Variants in NELL2 observed in about 807,000 individuals in gnomAD.
The protein encoded by NELL2 is protein kinase C-binding protein NELL2.
NELL2 carries 41 observed loss-of-function variants against 109.6 expected under a neutral mutation model. The ratio of observed to expected loss-of-function variants is 0.37; its 90% CI spans 0.29 to 0.49. The LOEUF is 0.49. Ranked by LOEUF, NELL2 falls within the 20% of genes least tolerant of loss-of-function variation. NELL2 has a pLI of 0.98. For missense variants in NELL2, 900 were observed against 1,008.3 expected (o/e 0.89, Z 1.45); for synonymous variants, 355 against 344.7 (o/e 1.03, Z -0.33).
chr12:44,809,021 C>T (rs1450547), intron 3 of NELL2, among the ~76,000 whole-genome samples: 55,598 of 151,782 alleles, frequency 0.37, 10,706 homozygotes, highest in African/African-American at 0.49. Flanking sequence ...TAAATAATGC[C>T]TGGATATCAG....
chr12:44,560,606 T>C (rs1388398322), intron 15 of NELL2, among the ~76,000 whole-genome samples: 11 of 152,032 alleles, frequency 7.2e-5, no homozygotes, highest in Admixed American at 5.9e-4. Flanking sequence ...CCTGCAAACA[T>C]ACACCCTCCC....
At chr12:44,868,824 T>C (rs1029896242) in intron 2 of NELL2, among the ~76,000 whole-genome samples, 1 of 152,110 alleles carries the variant, frequency 6.6e-6, no homozygotes, top group African/African-American at 2.4e-5. Context: ...TGGTACAACA[T>C]AATGACTATA....
In NELL2 at chr12:44,876,269, C is replaced by A. The variant is rs1945319892; in HGVS notation, c.-400G>T. The A allele has an allele frequency of 8.6e-7, 1 of 1,157,908 alleles. No homozygotes were observed. The highest frequency in any genetic ancestry group is 1.6e-5 in the African/African-American group (1 of 63,212). The allele number at this position is 1,157,908 out of a possible 1,614,324, so 71.7% of individuals were successfully genotyped here. A position where few individuals can be genotyped will look rare whatever the true frequency, so the allele number is the denominator to read the frequency against. On this transcript the variant is annotated 5_prime_UTR_variant, in exon 1 of 20. Coordinates refer to ENST00000429094, the MANE Select transcript of NELL2 (RefSeq NM_001145108.2). ...GCCCGGGCTGGGGCGGCCCCGCACCCCCCCGTCTTCCCCGCCGCCCGAACC... is the reference window on the plus strand; with the variant it reads ...GCCCGGGCTGGGGCGGCCCCGCACCACCCCGTCTTCCCCGCCGCCCGAACC...
intron 15 of NELL2, among the ~76,000 whole-genome samples, chr12:44,577,040 T>C (rs1265204934): frequency 1.2e-3 from 166 of 137,996 alleles, no homozygotes; most frequent in East Asian, 3.5e-3. Context: ...GCATGATTTA[T>C]AGTCCTTTGG....
chr12:44,776,985 T>C (rs1941780155), intron 7 of NELL2, 57 bp downstream of exon 7: 1 of 1,409,386 alleles, frequency 7.1e-7, no homozygotes, highest in South Asian at 1.1e-5. Flanking sequence ...TAAATGGAAG[T>C]ATTGGGAACA....
intron 15 of NELL2, among the ~76,000 whole-genome samples, chr12:44,549,247 T>C (rs1162662344): frequency 1.3e-5 from 2 of 152,220 alleles, no homozygotes; most frequent in Non-Finnish European, 1.5e-5. Flanking sequence ...CTCTTCCTTG[T>C]TGGCACATAG....
chr12:44,678,324 G>A (rs1308927900), intron 12 of NELL2, among the ~76,000 whole-genome samples: 1 of 152,018 alleles, frequency 6.6e-6, no homozygotes, highest in Admixed American at 6.6e-5. Context: ...TACCAAATGG[G>A]AGCACTCATG....
intron 12 of NELL2, among the ~76,000 whole-genome samples, chr12:44,679,343 G>T (rs1263175229): frequency 6.6e-6 from 1 of 152,116 alleles, no homozygotes; most frequent in East Asian, 1.9e-4. Flanking sequence ...TCAGAGAATG[G>T]TGAAGGTTTA....
intron 9 of NELL2, among the ~76,000 whole-genome samples, chr12:44,771,358 A>G (rs1165279313): frequency 1.3e-5 from 2 of 152,048 alleles, no homozygotes; most frequent in East Asian, 3.9e-4. Context: ...AAAAAAAAAA[A>G]GGAAAGCAGG....
intron 3 of NELL2, among the ~76,000 whole-genome samples, chr12:44,808,537 T>C (rs1442725827): frequency 1.3e-5 from 2 of 152,132 alleles, no homozygotes; most frequent in Non-Finnish European, 1.5e-5. Flanking sequence ...GTTTTTTAAT[T>C]ATGTAGAAAT....
chr12:44,845,380 A>G (rs1944341002), intron 2 of NELL2, among the ~76,000 whole-genome samples: 1 of 152,216 alleles, frequency 6.6e-6, no homozygotes, highest in Non-Finnish European at 1.5e-5. Flanking sequence ...GCTGTTCAAC[A>G]CAGTACAGTA....
chr12:44,574,851 A>G (rs1317927112), intron 15 of NELL2, among the ~76,000 whole-genome samples: 1 of 152,132 alleles, frequency 6.6e-6, no homozygotes, highest in Non-Finnish European at 1.5e-5. Context: ...CCTTCTTGAG[A>G]TGTCTAAAAT....
intron 15 of NELL2, among the ~76,000 whole-genome samples, chr12:44,579,387 T>A (rs1027967299): frequency 6.6e-6 from 1 of 152,210 alleles, no homozygotes; most frequent in Non-Finnish European, 1.5e-5. Context: ...AGACCCCAGT[T>A]TGCTGTGCCA....
intron 15 of NELL2, among the ~76,000 whole-genome samples, chr12:44,582,781 T>C (rs768316493): frequency 9.9e-5 from 15 of 152,110 alleles, no homozygotes; most frequent in Non-Finnish European, 1.6e-4. Flanking sequence ...AGTTCATATG[T>C]TGGAAACTGA....
At chr12:44,718,429 T>A (rs61142114) in intron 9 of NELL2, among the ~76,000 whole-genome samples, 3,769 of 152,314 alleles carry the variant, frequency 0.025, 147 homozygotes, top group African/African-American at 0.084. Flanking sequence ...TTTTACTATA[T>A]TTGTTGCTCC....
chr12:44,891,778 A>G (rs1212389832), intron 1 of NELL2, among the ~76,000 whole-genome samples: 2 of 152,174 alleles, frequency 1.3e-5, no homozygotes, highest in Non-Finnish European at 1.5e-5. Context: ...TTGGAGCTCA[A>G]TGCATGCATA....
At chr12:44,678,096 C>A (rs918993165) in intron 12 of NELL2, among the ~76,000 whole-genome samples, 9 of 151,918 alleles carry the variant, frequency 5.9e-5, no homozygotes, top group African/African-American at 2.2e-4. Context: ...AAAATGGATA[C>A]CTGGGGGACT....
chr12:44,531,618 C>A (rs1942063403), intron 16 of NELL2, among the ~76,000 whole-genome samples: 1 of 152,232 alleles, frequency 6.6e-6, no homozygotes, highest in Non-Finnish European at 1.5e-5. Flanking sequence ...TGGCATCCAT[C>A]ACCCAAGTCT....
At chr12:44,672,158 C>G (rs1455236372) in intron 12 of NELL2, among the ~76,000 whole-genome samples, 2 of 152,178 alleles carry the variant, frequency 1.3e-5, no homozygotes, top group Non-Finnish European at 1.5e-5. Flanking sequence ...ACATAACTCT[C>G]TCCAAAGACA....
Sources: allele counts gnomAD v4.1 joint callset (sites outside exome capture counted in the v4.1 genomes callset), GRCh38; gene constraint gnomAD v4.1.1; transcripts MANE v1.5; gene names NCBI Gene and HGNC (gene_info 2026-07-23, HGNC 2026-07-21).